Variants in ZNF804A observed in about 807,000 individuals in gnomAD.
The protein encoded by ZNF804A is zinc finger protein 804A.
In ZNF804A, 2 loss-of-function variants were observed where a neutral mutation model predicts 16.5. That is an observed-to-expected ratio of 0.12 (90% CI 0.05 to 0.38). ZNF804A has a LOEUF of 0.38. ZNF804A is among the 10% of genes least tolerant of loss of function. The pLI is 0.99. For synonymous variants in ZNF804A, 534 were observed against 489.6 expected (o/e 1.09, Z -1.20); for missense variants, 1,473 against 1,390.7 (o/e 1.06, Z -0.94).
chr2:184,825,579 T>C (rs1211479745), intron 1 of ZNF804A, among the ~76,000 whole-genome samples: 1 of 152,022 alleles, frequency 6.6e-6, no homozygotes, highest in Non-Finnish European at 1.5e-5. Context: ...TATTATTATA[T>C]CTCAAAATGC....
rs1405291564 is a variant in ZNF804A at position 184,847,179 on chromosome 2, GGAATCTATAGA to G, written c.112-19187_112-19177del. Among the ~76,000 whole-genome samples, 4 of 152,004 alleles carry G rather than the reference GGAATCTATAGA, an allele frequency of 2.6e-5. No individual in the cohort carries two copies. The East Asian group carries it at 7.7e-4, about 29-fold the overall frequency. The stretch of plus-strand genomic sequence containing the variant: ...GTTGTACTCAATTTAGCTCGCCAGA[GGAATCTATAGA>G]GATATGATATTCAATACACAGCCTT... On this transcript the variant is annotated intron_variant, in intron 1 of 3. Coordinates refer to ENST00000302277, the MANE Select transcript of ZNF804A (RefSeq NM_194250.2).
chr2:184,694,566 A>G (rs1188788476), intron 1 of ZNF804A, among the ~76,000 whole-genome samples: 1 of 152,212 alleles, frequency 6.6e-6, no homozygotes. Context: ...ACCTAAGAGT[A>G]TATAATTGGC....
chr2:184,882,344 C>T (rs144884465), intron 2 of ZNF804A, among the ~76,000 whole-genome samples: 23 of 152,008 alleles, frequency 1.5e-4, no homozygotes, highest in South Asian at 2.1e-4. Context: ...CTTCAATAAC[C>T]GTAACATAAT....
Position 184,598,725 on chromosome 2 carries a change from G to A in ZNF804A, c.-235G>A, listed in dbSNP as rs1690993022. On this transcript the variant is annotated 5_prime_UTR_variant, in exon 1 of 4. Transcript: ENST00000302277. The stretch of plus-strand genomic sequence containing the variant: ...GCTCGTCGTCCCGACGCGAATCTGA[G>A]GAGAAACAGGAGCGAGAGACTGAGG... 6.2e-6 allele frequency: 2 copies of A among 323,350 alleles called. No homozygotes were observed. Among genetic ancestry groups the A allele is most frequent in the Non-Finnish European group, 1.1e-5 (2 of 179,956 alleles). 20.0% of individuals were successfully genotyped at this position (323,350 alleles called of 1,614,324 possible).
intron 1 of ZNF804A, among the ~76,000 whole-genome samples, chr2:184,695,000 C>A (rs1179527333): frequency 6.6e-6 from 1 of 152,088 alleles, no homozygotes; most frequent in African/African-American, 2.4e-5. Context: ...TCACTGCAGG[C>A]TCTGAGGGGA....
chr2:184,659,933 T>A (rs918546248), intron 1 of ZNF804A, among the ~76,000 whole-genome samples: 2 of 152,120 alleles, frequency 1.3e-5, no homozygotes, highest in Non-Finnish European at 2.9e-5. Flanking sequence ...ATGTGTCAAT[T>A]TCAGAACCTT....
At chr2:184,767,991 A>C (rs1694155592) in intron 1 of ZNF804A, among the ~76,000 whole-genome samples, 1 of 152,124 alleles carries the variant, frequency 6.6e-6, no homozygotes, top group Non-Finnish European at 1.5e-5. Context: ...AGCCACATAA[A>C]TGGTAAACCA....
At chr2:184,717,881 G>A (rs1027565573) in intron 1 of ZNF804A, among the ~76,000 whole-genome samples, 1 of 152,082 alleles carries the variant, frequency 6.6e-6, no homozygotes, top group African/African-American at 2.4e-5. Context: ...ATGGGGAAAA[G>A]CTCAAAGCTT....
rs931131419 is a variant in ZNF804A, at chr2:184,939,055, T to C, written c.*29T>C. On this transcript the variant is annotated 3_prime_UTR_variant, in exon 4 of 4. Transcript: ENST00000302277. ...TCACCATAATGGGAAAAAAATACTC[T>C]TGTGAAAACTATTGCTATATGCGTT... is the stretch of plus-strand genomic sequence containing the variant. 9.4e-6 allele frequency: 15 copies of C among 1,601,988 alleles called. No homozygotes were observed. Among genetic ancestry groups the C allele is most frequent in the Admixed American group, 5.1e-5 (3 of 59,286 alleles).
intron 1 of ZNF804A, among the ~76,000 whole-genome samples, chr2:184,725,948 T>C (rs556002351): frequency 8.2e-4 from 125 of 151,790 alleles, no homozygotes; most frequent in African/African-American, 3.0e-3. Flanking sequence ...ATTTAAGGTG[T>C]TTGCATTCAT....
intron 1 of ZNF804A, among the ~76,000 whole-genome samples, chr2:184,803,247 A>G (rs184936489): frequency 3.2e-4 from 48 of 152,150 alleles, no homozygotes; most frequent in Admixed American, 8.5e-4. Context: ...CTGCATGAAT[A>G]ACTTCCTCAT....
chr2:184,623,679 A>G (rs1370669693), intron 1 of ZNF804A, among the ~76,000 whole-genome samples: 1 of 152,176 alleles, frequency 6.6e-6, no homozygotes, highest in Admixed American at 6.6e-5. Context: ...CTTGACCCAG[A>G]TAATGTTACT....
chr2:184,748,994 T>A (rs1693836773), intron 1 of ZNF804A, among the ~76,000 whole-genome samples: 1 of 151,686 alleles, frequency 6.6e-6, no homozygotes, highest in Non-Finnish European at 1.5e-5. Flanking sequence ...TGTAGCTTTA[T>A]GGCATAGTTT....
At chr2:184,776,891 A>G (rs180869929) in intron 1 of ZNF804A, among the ~76,000 whole-genome samples, 1 of 151,570 alleles carries the variant, frequency 6.6e-6, no homozygotes, top group East Asian at 2.0e-4. Context: ...ACACCTGTTT[A>G]TTTCATGTTG....
chr2:184,767,873 A>G (rs1409189569), intron 1 of ZNF804A, among the ~76,000 whole-genome samples: 1 of 152,134 alleles, frequency 6.6e-6, no homozygotes, highest in Non-Finnish European at 1.5e-5. Flanking sequence ...GCATCAGTGA[A>G]TCCAAATCTG....
intron 1 of ZNF804A, among the ~76,000 whole-genome samples, chr2:184,826,211 T>C (rs969367584): frequency 6.6e-6 from 1 of 152,092 alleles, no homozygotes; most frequent in Non-Finnish European, 1.5e-5. Context: ...TAATGGAATG[T>C]GACATTTTCT....
chr2:184,697,222 A>G (rs1470421372), intron 1 of ZNF804A, among the ~76,000 whole-genome samples: 2 of 152,222 alleles, frequency 1.3e-5, no homozygotes, highest in South Asian at 2.1e-4. Context: ...GAGGTCACCA[A>G]CAAATCATAG....
At chr2:184,767,473 G>A (rs188577730) in intron 1 of ZNF804A, among the ~76,000 whole-genome samples, 2 of 152,150 alleles carry the variant, frequency 1.3e-5, no homozygotes, top group Admixed American at 6.6e-5. Context: ...TGTTTAATGG[G>A]TATAGAGTTT....
At chr2:184,922,859 G>T (rs1594166) in intron 2 of ZNF804A, among the ~76,000 whole-genome samples, 92,652 of 152,016 alleles carry the variant, frequency 0.61, 29,266 homozygotes, top group East Asian at 0.84. Flanking sequence ...TTTGTTGAAA[G>T]TGAGTTCACT....
Sources: gnomAD v4.1 joint callset for allele counts (sites outside exome capture counted in the v4.1 genomes callset) on GRCh38, gnomAD v4.1.1 for gene constraint, MANE v1.5 for transcripts, NCBI Gene and HGNC (gene_info 2026-07-23, HGNC 2026-07-21) for gene names.